The following ZBBX variants were observed in gnomAD, a reference collection of about 807,000 sequenced individuals.
The protein encoded by ZBBX is zinc finger B-box domain containing.
Under a neutral mutation model 108.5 loss-of-function variants are expected in ZBBX, and 101 were observed. The observed-to-expected ratio is 0.93, with a 90% CI of 0.79 to 1.10. The LOEUF is 1.10. ZBBX is among the 50% of genes least tolerant of loss of function. The pLI is 0.00. For missense variants in ZBBX, 1,009 were observed against 941.4 expected, an observed-to-expected ratio of 1.07 and a Z score of -0.94; for synonymous variants, 356 against 323.4, an observed-to-expected ratio of 1.10 and a Z score of -1.08.
the ZBBX span, among the ~76,000 whole-genome samples, chr3:167,209,189 C>CT: frequency 6.6e-6 from 1 of 152,130 alleles, no homozygotes; most frequent in Non-Finnish European, 1.5e-5. Context: ...TGACTTCAGC[C>CT]TTGCTGACAT....
At chr3:167,404,979 C>T (rs1344672523) in intron 1 of ZBBX, among the ~76,000 whole-genome samples, 1 of 152,022 alleles carries the variant, frequency 6.6e-6, no homozygotes, top group East Asian at 1.9e-4. Flanking sequence ...ATAATAGAAA[C>T]TGGTCACTTA....
the ZBBX span, among the ~76,000 whole-genome samples, chr3:167,209,881 G>A: frequency 6.6e-6 from 1 of 152,162 alleles, no homozygotes; most frequent in South Asian, 2.1e-4. Context: ...CTTGAGCCCA[G>A]GAGTTCAAGA....
At chr3:167,238,468 T>C (rs987153192), downstream of ZBBX, among the ~76,000 whole-genome samples, 2 of 152,154 alleles carry the variant, frequency 1.3e-5, no homozygotes, top group African/African-American at 4.8e-5. Flanking sequence ...GACATGGAAA[T>C]GGCTATAGGT....
chr3:167,218,218 T>C, the ZBBX span, among the ~76,000 whole-genome samples: 1 of 152,126 alleles, frequency 6.6e-6, no homozygotes, highest in Non-Finnish European at 1.5e-5. Context: ...CATGTGTTTA[T>C]CTATGTAACA....
intron 8 of ZBBX, among the ~76,000 whole-genome samples, chr3:167,353,045 G>C (rs1742946200): frequency 1.3e-5 from 2 of 151,974 alleles, no homozygotes; most frequent in African/African-American, 2.4e-5. Flanking sequence ...CTAAAACGTT[G>C]CCCCTAACAA....
At chr3:167,406,812 G>A (rs1748601340) in intron 1 of ZBBX, among the ~76,000 whole-genome samples, 1 of 152,106 alleles carries the variant, frequency 6.6e-6, no homozygotes, top group African/African-American at 2.4e-5. Flanking sequence ...CAAACAAAGA[G>A]CCAAATCCTA....
At chr3:167,215,718 CA>C in the ZBBX span, among the ~76,000 whole-genome samples, 2 of 152,212 alleles carry the variant, frequency 1.3e-5, no homozygotes, top group African/African-American at 4.8e-5. Context: ...AACATCGATG[CA>C]AAAATCCTCA....
intron 11 of ZBBX, among the ~76,000 whole-genome samples, chr3:167,324,961 G>GT (rs1254343422): frequency 6.6e-6 from 1 of 152,034 alleles, no homozygotes; most frequent in African/African-American, 2.4e-5. Context: ...TTCAAATCAA[G>GT]TCCAGTTTTC....
intron 1 of ZBBX, among the ~76,000 whole-genome samples, chr3:167,390,491 T>C (rs1748054275): frequency 6.6e-6 from 1 of 152,018 alleles, no homozygotes; most frequent in Non-Finnish European, 1.5e-5. Flanking sequence ...CATATGAAAT[T>C]TAAAGTAGTT....
chr3:167,363,146 T>A (rs71627207), intron 6 of ZBBX, among the ~76,000 whole-genome samples: 2 of 151,888 alleles, frequency 1.3e-5, no homozygotes, highest in African/African-American at 4.8e-5. Flanking sequence ...TATCTCTTCC[T>A]TCTGATGCCT....
downstream of ZBBX, among the ~76,000 whole-genome samples, chr3:167,235,314 A>C (rs4468976): frequency 6.6e-6 from 1 of 151,600 alleles, no homozygotes; most frequent in Non-Finnish European, 1.5e-5. Context: ...TCATCACTAG[A>C]ATGAATAACA....
intron 20 of ZBBX, among the ~76,000 whole-genome samples, chr3:167,246,786 A>G (rs6762665): frequency 0.33 from 50,347 of 152,082 alleles, 8,776 homozygotes; most frequent in East Asian, 0.66. Context: ...AGTAAGTTAT[A>G]CCAATATGTT....
At chr3:167,208,166 T>G in the ZBBX span, among the ~76,000 whole-genome samples, 2 of 152,108 alleles carry the variant, frequency 1.3e-5, no homozygotes, top group African/African-American at 4.8e-5. Context: ...GAAACTTAAG[T>G]TCTAGCAAGC....
At chr3:167,336,343 A>G (rs1055732191) in intron 9 of ZBBX, among the ~76,000 whole-genome samples, 1 of 152,234 alleles carries the variant, frequency 6.6e-6, no homozygotes, top group African/African-American at 2.4e-5. Context: ...ACTATCTTAA[A>G]GTTCTGCTAC....
chr3:167,186,185 T>C, the ZBBX span, among the ~76,000 whole-genome samples: 2,021 of 152,022 alleles, frequency 0.013, 22 homozygotes, highest in South Asian at 0.026. Context: ...AATAGAGTAT[T>C]TTGTTTTAAT....
At chr3:167,279,489 C>T (rs550438164) in intron 20 of ZBBX, among the ~76,000 whole-genome samples, 88 of 151,276 alleles carry the variant, frequency 5.8e-4, no homozygotes, top group African/African-American at 1.9e-3. Flanking sequence ...AGTGAACTCC[C>T]ATTCACAATT....
At chr3:167,197,083 C>T in the ZBBX span, among the ~76,000 whole-genome samples, 1 of 152,300 alleles carries the variant, frequency 6.6e-6, no homozygotes, top group Non-Finnish European at 1.5e-5. Flanking sequence ...GATTGCAATG[C>T]ACTATTTCTT....
chr3:167,317,184 A>G, intron 13 of ZBBX, 79 bp from the exon 14 acceptor site: 1 of 986,436 alleles, frequency 1.0e-6, no homozygotes, highest in Middle Eastern at 2.2e-4. Context: ...ATAGCCACCA[A>G]AAAAGAAGAG....
chr3:167,244,188 T>C (rs942555947), intron 20 of ZBBX, among the ~76,000 whole-genome samples: 2 of 152,144 alleles, frequency 1.3e-5, no homozygotes, highest in Non-Finnish European at 2.9e-5. Flanking sequence ...AGAACTAATC[T>C]CTGGTAGCTC....
Sources: gnomAD v4.1 joint callset for allele counts (sites outside exome capture counted in the v4.1 genomes callset) on GRCh38, gnomAD v4.1.1 for gene constraint, MANE v1.5 for transcripts, NCBI Gene and HGNC (gene_info 2026-07-23, HGNC 2026-07-21) for gene names.